SCML4: variants seen among roughly 807,000 people sequenced by gnomAD.
The protein encoded by SCML4 is Scm polycomb group protein like 4.
Under a neutral mutation model 41.1 loss-of-function variants are expected in SCML4, and 34 were observed. That is an observed-to-expected ratio of 0.83 (90% confidence interval 0.63 to 1.10). The LOEUF (loss-of-function observed/expected upper bound fraction) is 1.10. Ranked by LOEUF, SCML4 falls within the 50% of genes least tolerant of loss-of-function variation. The pLI, the probability that SCML4 is intolerant of heterozygous loss-of-function variation, is 0.00. For synonymous variants in SCML4, 214 were observed against 220.9 expected (o/e 0.97, Z 0.28); for missense variants, 522 against 534.1 (o/e 0.98, Z 0.22).
At chr6:107,744,854 C>T in intron 5 of SCML4, 95 bp downstream of exon 5, 1 of 1,057,470 alleles carries the variant, frequency 9.5e-7, no homozygotes, top group Non-Finnish European at 1.4e-6. Flanking sequence ...GGCAGAACTG[C>T]CAGGAGCTAC....
chr6:107,728,867 G>T (rs956619279), intron 5 of SCML4, among the ~76,000 whole-genome samples: 2 of 152,180 alleles, frequency 1.3e-5, no homozygotes, highest in African/African-American at 4.8e-5. Context: ...GGGTGGCCGC[G>T]AGTGAACAGC....
chr6:107,824,985 G>A (rs112776614), upstream of SCML4, among the ~76,000 whole-genome samples: 79 of 152,164 alleles, frequency 5.2e-4, no homozygotes, highest in African/African-American at 1.9e-3. Context: ...CCCTGACTTT[G>A]GCTCCAGGCC....
At chr6:107,726,228 C>A (rs1176680014) in intron 5 of SCML4, among the ~76,000 whole-genome samples, 1 of 151,618 alleles carries the variant, frequency 6.6e-6, no homozygotes. Context: ...AGGGACTAGA[C>A]TGTATTAAGA....
intron 6 of SCML4, chr6:107,720,001 A>T (rs846976): frequency 2.0e-6 from 2 of 985,302 alleles, no homozygotes; most frequent in Non-Finnish European, 2.4e-6. Flanking sequence ...CATTCCAACA[A>T]GCTTTCTTTA....
chr6:107,745,001 G>T lies in SCML4; in HGVS notation c.630C>A (p.Gly210=), dbSNP rs763719878. 2 of 1,613,880 alleles carry T rather than the reference G, an allele frequency of 1.2e-6. No individual in the cohort carries two copies. Among genetic ancestry groups the T allele is most frequent in the Non-Finnish European group, 1.7e-6 (2 of 1,179,886 alleles). ...DLFSHQPFPR[G]CSASEKVQEK... ...CCTGGACTTTCTCAGAGGCACTGCA[G>T]CCCCTGGGGAAGGGCTGGTGGCTGA... is the stretch of plus-strand genomic sequence containing the variant. The change falls in exon 5 of 8, where the codon GGC becomes GGA. Residue 210 remains glycine (G), a synonymous_variant. Coordinates refer to ENST00000369020, the MANE Select transcript of SCML4 (RefSeq NM_198081.5).
chr6:107,834,039 C>T, the SCML4 span, among the ~76,000 whole-genome samples: 2 of 152,034 alleles, frequency 1.3e-5, no homozygotes, highest in Admixed American at 6.6e-5. Context: ...TGGAAGGAAA[C>T]GGGAATAAAA....
chr6:107,798,547 G>C (rs1453935894), intron 1 of SCML4, among the ~76,000 whole-genome samples: 1 of 151,864 alleles, frequency 6.6e-6, no homozygotes, highest in East Asian at 1.9e-4. Context: ...TCTGTTCAAA[G>C]AACTTTTGAT....
chr6:107,710,502 G>A lies in SCML4; in HGVS notation c.974-2491C>T, dbSNP rs1774120348. Reference sequence around the variant, plus strand: ...TAAAGAGTTTGTGTAGGGGCCAGACGCAGTGGCTCACACCTGTAATCCCAG... The same window carrying A: ...TAAAGAGTTTGTGTAGGGGCCAGACACAGTGGCTCACACCTGTAATCCCAG... On this transcript the variant is annotated intron_variant, in intron 6 of 7. Coordinates refer to ENST00000369020, the MANE Select transcript of SCML4 (RefSeq NM_198081.5). Among the ~76,000 whole-genome samples the A allele has an allele frequency of 3.8e-5, 4 of 104,210 alleles. 1 individual carries two copies. Among genetic ancestry groups the A allele is most frequent in the Middle Eastern group, 6.1e-3 (1 of 164 alleles). The allele number at this position is 104,210 out of a possible 152,430, so 68.4% of individuals were successfully genotyped here. A position where few individuals can be genotyped will look rare whatever the true frequency, so the allele number is the denominator to read the frequency against.
chr6:107,826,685 T>C (rs1329291896), upstream of SCML4, among the ~76,000 whole-genome samples: 1 of 152,194 alleles, frequency 6.6e-6, no homozygotes, highest in Admixed American at 6.5e-5. Flanking sequence ...ACTGTTGTCC[T>C]TGTCCTCAAG....
Position 107,755,509 on chromosome 6 carries a change from T to C in SCML4, c.157-5696A>G, listed in dbSNP as rs148068276. On this transcript the variant is annotated intron_variant, in intron 2 of 7. Coordinates refer to ENST00000369020, the MANE Select transcript of SCML4 (RefSeq NM_198081.5). ...GTCCTAAAAAAGAAGAGCACGGATA[T>C]GAGCCCACTGGCTAGAAGCTTTGCT... is the stretch of plus-strand genomic sequence containing the variant. The C allele has an allele frequency of 6.4e-4, 484 of 752,084 alleles. 2 individuals are homozygous for C. The African/African-American group carries it at 8.5e-3, about 13-fold the overall frequency. The allele number at this position is 752,084 out of a possible 1,614,324, so 46.6% of individuals were successfully genotyped here. A position where few individuals can be genotyped will look rare whatever the true frequency, so the allele number is the denominator to read the frequency against.
At chr6:107,797,627 T>C (rs1562268110) in intron 1 of SCML4, among the ~76,000 whole-genome samples, 2 of 152,032 alleles carry the variant, frequency 1.3e-5, no homozygotes, top group African/African-American at 2.4e-5. Flanking sequence ...TTAAATTTCT[T>C]TTCTTGCCTT....
the SCML4 span, among the ~76,000 whole-genome samples, chr6:107,835,097 C>T: frequency 1.5e-4 from 23 of 151,790 alleles, no homozygotes; most frequent in South Asian, 4.2e-4. Flanking sequence ...CAGTGGCTCG[C>T]GGCCTGTAAT....
the SCML4 span, among the ~76,000 whole-genome samples, chr6:107,834,770 A>C: frequency 6.6e-6 from 1 of 151,932 alleles, no homozygotes; most frequent in Non-Finnish European, 1.5e-5. Context: ...ACATGGTGAA[A>C]TCTGTCTCTA....
At chr6:107,802,749 C>G (rs1361910498) in intron 1 of SCML4, among the ~76,000 whole-genome samples, 3 of 142,660 alleles carry the variant, frequency 2.1e-5, no homozygotes, top group Non-Finnish European at 4.5e-5. Flanking sequence ...CCTCTCCCCA[C>G]GGTCTCCCTC....
At chr6:107,801,775 T>C (rs540243826) in intron 1 of SCML4, among the ~76,000 whole-genome samples, 1 of 151,510 alleles carries the variant, frequency 6.6e-6, no homozygotes, top group Admixed American at 6.6e-5. Flanking sequence ...GTCTTCATTA[T>C]TCATTTCTTT....
the SCML4 span, among the ~76,000 whole-genome samples, chr6:107,838,075 T>C: frequency 6.6e-6 from 1 of 151,968 alleles, no homozygotes; most frequent in Non-Finnish European, 1.5e-5. Flanking sequence ...GCCCAGCTAA[T>C]TTTTGTATTT....
intron 2 of SCML4, among the ~76,000 whole-genome samples, chr6:107,766,782 G>A (rs1780084296): frequency 6.6e-6 from 1 of 152,128 alleles, no homozygotes; most frequent in African/African-American, 2.4e-5. Flanking sequence ...CCTAGGTGCT[G>A]CTCAATGTTC....
At chr6:107,760,654 A>C (rs1365806185) in intron 2 of SCML4, among the ~76,000 whole-genome samples, 1 of 152,224 alleles carries the variant, frequency 6.6e-6, no homozygotes, top group African/African-American at 2.4e-5. Context: ...AAAGGTTTCA[A>C]AGAAGTCTCA....
chr6:107,807,666 G>A (rs948863800), intron 1 of SCML4, among the ~76,000 whole-genome samples: 1 of 152,164 alleles, frequency 6.6e-6, no homozygotes, highest in Non-Finnish European at 1.5e-5. Flanking sequence ...TAGGACACTG[G>A]TAGAAATATC....
Sources: allele counts gnomAD v4.1 joint callset (sites outside exome capture counted in the v4.1 genomes callset), GRCh38; gene constraint gnomAD v4.1.1; transcripts MANE v1.5; gene names NCBI Gene and HGNC (gene_info 2026-07-23, HGNC 2026-07-21).